Variants in PRIMA1 observed in about 807,000 individuals in gnomAD.
PRIMA1 encodes proline rich membrane anchor 1.
PRIMA1 carries 7 observed loss-of-function variants against 17.5 expected under a neutral mutation model. The observed-to-expected ratio is 0.40, with a 90% CI of 0.23 to 0.75. The LOEUF is 0.75. Among genes scored for constraint, PRIMA1 ranks in the 30% least tolerant of loss-of-function variants. The pLI is 0.37. For missense variants in PRIMA1, 200 were observed against 201.8 expected (o/e 0.99, Z 0.05); for synonymous variants, 97 against 77.9 (o/e 1.25, Z -1.29).
At chr14:93,769,750 A>G (rs1036145836) in intron 3 of PRIMA1, among the ~76,000 whole-genome samples, 2 of 152,214 alleles carry the variant, frequency 1.3e-5, no homozygotes, top group African/African-American at 4.8e-5. Context: ...ACTTGGAGGA[A>G]ACTCTGGTTT....
At position 93,718,421 on chromosome 14, in the gene PRIMA1, C is replaced by T. The variant is rs1302729344; in HGVS notation, c.*3023G>A. 2 of 152,546 alleles carry T rather than the reference C, an allele frequency of 1.3e-5. No individual in the cohort carries two copies. The highest frequency in any genetic ancestry group is 6.5e-5 in the Admixed American group (1 of 15,286). 9.4% of individuals were successfully genotyped at this position (152,546 alleles called of 1,614,324 possible). A position where few individuals can be genotyped will look rare whatever the true frequency, so the allele number is the denominator to read the frequency against. On this transcript the variant is annotated 3_prime_UTR_variant, in exon 5 of 5. Transcript: ENST00000393140. ...TACAAAAGTCTCAGCAGGAAACCAA[C>T]CTTAATGGCTTGTTGGTGGATAAGA...
chr14:93,779,189 G>T lies in PRIMA1; in HGVS notation c.216C>A (p.Leu72=). The T allele has an allele frequency of 6.9e-7, 1 of 1,448,280 alleles. No homozygotes were observed. Among genetic ancestry groups the T allele is most frequent in the Non-Finnish European group, 9.1e-7 (1 of 1,103,458 alleles). 89.7% of individuals were successfully genotyped at this position (1,448,280 alleles called of 1,614,324 possible). ...GCCATTACTTACCTGGGGCGGAGAG[G>T]AGTCTGGGAGGTGGCGGGGGTGGGG... ...PPPPPPPPPR[L]LSAPAPNSTS... Residue 72 remains leucine (L), a synonymous_variant, in exon 3 of 5, where the codon CTC becomes CTA. Transcript: ENST00000393140.
At chr14:93,771,662 G>T (rs1015461209) in intron 3 of PRIMA1, among the ~76,000 whole-genome samples, 1 of 152,202 alleles carries the variant, frequency 6.6e-6, no homozygotes, top group Admixed American at 6.5e-5. Flanking sequence ...TTCTGCAGCC[G>T]TAAATGACCA....
chr14:93,754,386 G>A (rs1400732365), intron 3 of PRIMA1, among the ~76,000 whole-genome samples: 1 of 151,378 alleles, frequency 6.6e-6, no homozygotes, highest in African/African-American at 2.4e-5. Context: ...TTTAGCAGCA[G>A]TGCCTTGGTC....
In PRIMA1 at chr14:93,746,964, C is replaced by G. The variant is rs139849887; in HGVS notation, c.230-9594G>C. ...CGGGTGTGGAGGTCAGGTGTGAAGT[C>G]TGAAATTGTCACACACCACGGGAGA... On this transcript the variant is annotated intron_variant, in intron 3 of 4. Transcript: ENST00000393140. 2.4e-4 allele frequency among the ~76,000 whole-genome samples: 36 copies of G among 152,222 alleles called. No individual in the cohort carries two copies. The East Asian group carries it at 6.8e-3, about 29-fold the overall frequency.
At chr14:93,724,764 C>T (rs1422479973) in intron 4 of PRIMA1, among the ~76,000 whole-genome samples, 2 of 152,196 alleles carry the variant, frequency 1.3e-5, no homozygotes, top group African/African-American at 4.8e-5. Context: ...CTGCATTCTC[C>T]TTAATACATA....
chr14:93,725,188 G>A (rs539617157), intron 4 of PRIMA1, among the ~76,000 whole-genome samples: 1 of 149,704 alleles, frequency 6.7e-6, no homozygotes, highest in African/African-American at 2.6e-5. Flanking sequence ...CTTGGCAGAG[G>A]CTCGGCACCT....
In PRIMA1 at chr14:93,721,235, G is replaced by A. The variant is rs1359708744; in HGVS notation, c.*209C>T. ...GGGGACACTGCCCAGGTGCTGCGCC[G>A]GGCTCAGCCTGGTGTCCGAGCTGCC... On this transcript the variant is annotated 3_prime_UTR_variant, in exon 5 of 5. Transcript: ENST00000393140. The A allele has an allele frequency of 1.4e-5, 8 of 554,100 alleles. No homozygotes were observed. Among genetic ancestry groups the A allele is most frequent in the South Asian group, 1.1e-4 (5 of 44,732 alleles). The allele number at this position is 554,100 out of a possible 1,614,324, so 34.3% of individuals were successfully genotyped here.
At chr14:93,743,745 C>T (rs1310320357) in intron 3 of PRIMA1, among the ~76,000 whole-genome samples, 2 of 152,234 alleles carry the variant, frequency 1.3e-5, no homozygotes, top group Non-Finnish European at 2.9e-5. Context: ...AAAGGAGTCA[C>T]AGCCCTGCTT....
chr14:93,750,816 C>A (rs762572834), intron 3 of PRIMA1, among the ~76,000 whole-genome samples: 3 of 152,068 alleles, frequency 2.0e-5, no homozygotes, highest in Admixed American at 6.5e-5. Context: ...TTAGAAAGGC[C>A]CTTTACCCCA....
intron 3 of PRIMA1, among the ~76,000 whole-genome samples, chr14:93,762,876 C>T (rs528270156): frequency 5.9e-5 from 9 of 152,284 alleles, no homozygotes; most frequent in Admixed American, 4.6e-4. Context: ...TGCTGCTCCT[C>T]CACCCCAGGC....
intron 1 of PRIMA1, 105 bp from the exon 2 acceptor site, chr14:93,787,854 C>G: frequency 7.5e-7 from 1 of 1,328,680 alleles, no homozygotes; most frequent in Non-Finnish European, 1.0e-6. Flanking sequence ...CGCCCCGCAC[C>G]CAGGGGCACC....
chr14:93,769,297 A>G (rs575452047), intron 3 of PRIMA1, among the ~76,000 whole-genome samples: 1 of 152,344 alleles, frequency 6.6e-6, no homozygotes, highest in South Asian at 2.1e-4. Flanking sequence ...TGATTTGCAC[A>G]ACCCACTTTG....
At chr14:93,783,954 C>T (rs1229205820) in intron 2 of PRIMA1, among the ~76,000 whole-genome samples, 2 of 150,216 alleles carry the variant, frequency 1.3e-5, no homozygotes, top group African/African-American at 5.0e-5. Flanking sequence ...CCAATCAGTG[C>T]AGTTTTGGGT....
At chr14:93,757,285 C>T (rs903891576) in intron 3 of PRIMA1, among the ~76,000 whole-genome samples, 4 of 152,110 alleles carry the variant, frequency 2.6e-5, no homozygotes, top group African/African-American at 7.2e-5. Context: ...CTGACACGGC[C>T]GCACTTGAGA....
intron 3 of PRIMA1, among the ~76,000 whole-genome samples, chr14:93,747,598 T>C (rs2076227509): frequency 6.8e-6 from 1 of 147,526 alleles, no homozygotes. Context: ...GAGTATTGTG[T>C]ATGAGTGTGT....
At position 93,779,232 on chromosome 14, in the gene PRIMA1, G is replaced by T; in HGVS notation, c.173C>A (p.Pro58His). The T allele has an allele frequency of 9.4e-7, 1 of 1,061,458 alleles. No individual in the cohort carries two copies. Among genetic ancestry groups the T allele is most frequent in the Non-Finnish European group, 1.3e-6 (1 of 740,840 alleles). The allele number at this position is 1,061,458 out of a possible 1,614,324, so 65.8% of individuals were successfully genotyped here. Residue 58 changes from proline to histidine, a missense_variant, in exon 3 of 5, where the codon CCC becomes CAC. Transcript: ENST00000393140. ...GGGTGGGGGCGGCGGGGGCAGCGGGGGAGGGGGCCGGCACTGGCAGACGTG... is the reference window on the plus strand; with the variant it reads ...GGGTGGGGGCGGCGGGGGCAGCGGGTGAGGGGGCCGGCACTGGCAGACGTG... ...CRHVCQCRPP[P>H]PLPPPPPPPP...
rs182104734 is a variant in PRIMA1, at chr14:93,761,427, C to G, written c.229+17749G>C. 2.9e-3 allele frequency among the ~76,000 whole-genome samples: 440 copies of G among 152,282 alleles called. 1 individual carries two copies. Among genetic ancestry groups the G allele is most frequent in the African/African-American group, 0.01 (419 of 41,566 alleles). ...AAGCCCTGCATGATTTTGGGACTAA[C>G]CTCCCCAGTCTCATTTACACCACTG... On this transcript the variant is annotated intron_variant, in intron 3 of 4. Transcript: ENST00000393140.
chr14:93,779,256 T>A lies in PRIMA1; in HGVS notation c.149A>T (p.His50Leu), dbSNP rs1885313756. The A allele has an allele frequency of 6.5e-7, 1 of 1,538,914 alleles. No homozygotes were observed. The highest frequency in any genetic ancestry group is 8.7e-7 in the Non-Finnish European group (1 of 1,150,632). ...SCSKVTDSCR[H>L]VCQCRPPPPL... ...GGGAGGGGGCCGGCACTGGCAGACG[T>A]GTCGGCAGCTGTCAGTCACTTTGGA... Residue 50 changes from histidine to leucine, a missense_variant, in exon 3 of 5, where the codon CAC (histidine) becomes CTC (leucine). His to Leu is a moderately conservative substitution (Grantham distance 99). Transcript: ENST00000393140.
Sources: gnomAD v4.1 joint callset for allele counts (sites outside exome capture counted in the v4.1 genomes callset) on GRCh38, gnomAD v4.1.1 for gene constraint, MANE v1.5 for transcripts, NCBI Gene and HGNC (gene_info 2026-07-23, HGNC 2026-07-21) for gene names.